Variants in CTNND2 observed in about 807,000 individuals in gnomAD.
CTNND2 encodes the protein catenin delta 2, also known as catenin delta-2.
Under a neutral mutation model 144.4 loss-of-function variants are expected in CTNND2, and 22 were observed. The ratio of observed to expected loss-of-function variants is 0.15; its 90% CI spans 0.11 to 0.22. The LOEUF is 0.22. CTNND2 is among the 10% of genes least tolerant of loss of function. CTNND2 has a pLI of 1.00. For missense variants in CTNND2, 1,353 were observed against 1,618.8 expected (o/e 0.84, Z 2.82); for synonymous variants, 751 against 695.6 (o/e 1.08, Z -1.25).
intron 2 of CTNND2, among the ~76,000 whole-genome samples, chr5:11,689,909 C>A (rs545347319): frequency 1.9e-4 from 29 of 152,316 alleles, no homozygotes; most frequent in African/African-American, 6.7e-4. Context: ...CCACCCATAG[C>A]CTTGAGTCTA....
intron 2 of CTNND2, among the ~76,000 whole-genome samples, chr5:11,565,317 G>C (rs1184465270): frequency 6.6e-6 from 1 of 152,216 alleles, no homozygotes; most frequent in East Asian, 1.9e-4. Context: ...AGATGGATAT[G>C]AGGATTAAAG....
intron 2 of CTNND2, among the ~76,000 whole-genome samples, chr5:11,594,358 T>C (rs1411018582): frequency 2.0e-5 from 3 of 152,246 alleles, no homozygotes; most frequent in African/African-American, 7.2e-5. Flanking sequence ...AAAATTTTTC[T>C]GTATGTATAT....
chr5:11,555,433 G>A (rs191325056), intron 3 of CTNND2, among the ~76,000 whole-genome samples: 14 of 152,204 alleles, frequency 9.2e-5, no homozygotes, highest in African/African-American at 3.4e-4. Flanking sequence ...CAGAGCACTA[G>A]TGACTACAAA....
At chr5:11,118,947 A>G (rs1410596919) in intron 12 of CTNND2, among the ~76,000 whole-genome samples, 1 of 152,114 alleles carries the variant, frequency 6.6e-6, no homozygotes, top group East Asian at 1.9e-4. Context: ...GAATCAATCT[A>G]TTTGCAATTA....
At chr5:11,799,858 C>T (rs1052060841) in intron 1 of CTNND2, among the ~76,000 whole-genome samples, 1 of 152,092 alleles carries the variant, frequency 6.6e-6, no homozygotes, top group African/African-American at 2.4e-5. Flanking sequence ...CAAAGTCACA[C>T]AACACACAAA....
intron 3 of CTNND2, among the ~76,000 whole-genome samples, chr5:11,512,684 A>T (rs1771764127): frequency 6.6e-6 from 1 of 152,216 alleles, no homozygotes; most frequent in African/African-American, 2.4e-5. Flanking sequence ...TGTGGTCAAC[A>T]GTATTAGCAT....
chr5:10,991,693 T>A (rs1358201344), intron 19 of CTNND2, among the ~76,000 whole-genome samples: 1 of 152,078 alleles, frequency 6.6e-6, no homozygotes, highest in African/African-American at 2.4e-5. Flanking sequence ...TAGAAAAAAA[T>A]TAAATGGAAT....
At chr5:11,414,612 C>T (rs1376077920) in intron 3 of CTNND2, among the ~76,000 whole-genome samples, 1 of 152,166 alleles carries the variant, frequency 6.6e-6, no homozygotes, top group East Asian at 1.9e-4. Context: ...TTTCTTTAAA[C>T]CTTTATTTCC....
intron 1 of CTNND2, among the ~76,000 whole-genome samples, chr5:11,842,372 G>A (rs73743285): frequency 2.4e-4 from 37 of 152,238 alleles, no homozygotes; most frequent in African/African-American, 8.7e-4. Context: ...AAACCAAAGT[G>A]CAAGAATAAT....
At chr5:11,259,099 T>G (rs1744581712) in intron 9 of CTNND2, among the ~76,000 whole-genome samples, 1 of 152,190 alleles carries the variant, frequency 6.6e-6, no homozygotes, top group Admixed American at 6.5e-5. Flanking sequence ...AGGTTACCCT[T>G]AATAATATGG....
chr5:11,691,141 G>A (rs7735003), intron 2 of CTNND2, among the ~76,000 whole-genome samples: 15,770 of 152,182 alleles, frequency 0.1, 985 homozygotes, highest in African/African-American at 0.16. Flanking sequence ...GGAGGCCGAG[G>A]CGGGTGGATC....
intron 10 of CTNND2, among the ~76,000 whole-genome samples, chr5:11,221,723 T>C (rs1250903583): frequency 6.6e-6 from 1 of 152,050 alleles, no homozygotes; most frequent in African/African-American, 2.4e-5. Context: ...AAGGGAAAAA[T>C]CAAGAAAATG....
chr5:11,877,057 C>T (rs376679413), intron 1 of CTNND2, among the ~76,000 whole-genome samples: 1 of 152,078 alleles, frequency 6.6e-6, no homozygotes, highest in Non-Finnish European at 1.5e-5. Context: ...TAAAGAAGTG[C>T]TGTTAGCAGA....
chr5:11,191,336 T>C (rs901883171), intron 11 of CTNND2, among the ~76,000 whole-genome samples: 1 of 152,188 alleles, frequency 6.6e-6, no homozygotes, highest in South Asian at 2.1e-4. Context: ...CACAGGACAG[T>C]GGAAGGCTTG....
Position 10,992,557 on chromosome 5 carries a change from G to GGTT in CTNND2, c.3202_3204dup (p.Asn1068dup). 1 of 1,614,062 alleles carries GGTT rather than the reference G, an allele frequency of 6.2e-7. No homozygotes were observed. ...AGCCACGGCAGCCTCTTACCTGAGC[G>GGTT]GTTGTTGGGAGACACGCGCACAGGG... On this transcript the variant is annotated inframe_insertion, in exon 19 of 22. Transcript: ENST00000304623.
chr5:11,330,483 CAAAAAAAAAAAAAAAAAAA>C (rs10627159), intron 9 of CTNND2, among the ~76,000 whole-genome samples: 1 of 43,442 alleles, frequency 2.3e-5, no homozygotes, highest in Non-Finnish European at 4.0e-5. Context: ...GACTCCGTCT[CAAAAAAAAAAAAAAAAAAA>C]AAAAAAAGAA....
At chr5:11,003,646 C>T (rs1364047776) in intron 18 of CTNND2, among the ~76,000 whole-genome samples, 1 of 152,194 alleles carries the variant, frequency 6.6e-6, no homozygotes. Flanking sequence ...ACCTTCTGCT[C>T]CTCTCTGCTG....
At chr5:11,142,421 T>C (rs555912472) in intron 12 of CTNND2, among the ~76,000 whole-genome samples, 1 of 152,186 alleles carries the variant, frequency 6.6e-6, no homozygotes, top group African/African-American at 2.4e-5. Flanking sequence ...TGAAGTTGAA[T>C]GCAAGGGGGA....
chr5:10,994,814 C>T (rs1319899496), intron 18 of CTNND2, among the ~76,000 whole-genome samples: 1 of 152,072 alleles, frequency 6.6e-6, no homozygotes, highest in Non-Finnish European at 1.5e-5. Flanking sequence ...GAGGTCACTC[C>T]CCTGGACAGA....
Sources: gnomAD v4.1 joint callset for allele counts (sites outside exome capture counted in the v4.1 genomes callset) on GRCh38, gnomAD v4.1.1 for gene constraint, MANE v1.5 for transcripts, NCBI Gene and HGNC (gene_info 2026-07-23, HGNC 2026-07-21) for gene names.